Variants in ONECUT2 observed in about 807,000 individuals in gnomAD.
The protein encoded by ONECUT2 is one cut domain family member 2.
In ONECUT2, 10 loss-of-function variants were observed where a neutral mutation model predicts 27.9. The ratio of observed to expected loss-of-function variants is 0.36; its 90% CI spans 0.22 to 0.61. The LOEUF is 0.61. Among genes scored for constraint, ONECUT2 ranks in the 20% least tolerant of loss-of-function variants. ONECUT2 has a pLI of 0.73. For synonymous variants in ONECUT2, 334 were observed against 315.1 expected (o/e 1.06, Z -0.64); for missense variants, 686 against 721.0 (o/e 0.95, Z 0.56).
chr18:57,473,650 C>G (rs1006761710), intron 1 of ONECUT2, among the ~76,000 whole-genome samples: 1 of 152,174 alleles, frequency 6.6e-6, no homozygotes, highest in Non-Finnish European at 1.5e-5. Flanking sequence ...ATCAGCATCA[C>G]CTGGGTGCTC....
chr18:57,465,091 A>G (rs2050313353), intron 1 of ONECUT2, among the ~76,000 whole-genome samples: 2 of 151,976 alleles, frequency 1.3e-5, no homozygotes, highest in South Asian at 4.2e-4. Flanking sequence ...AATTTCCTCC[A>G]ATGCCACTAC....
intron 1 of ONECUT2, among the ~76,000 whole-genome samples, chr18:57,447,548 A>G (rs556530778): frequency 5.5e-4 from 84 of 152,290 alleles, no homozygotes; most frequent in Admixed American, 7.2e-4. Context: ...GAGGAAGAGC[A>G]TTACCACCGC....
At chr18:57,448,358 G>A (rs2050212258) in intron 1 of ONECUT2, among the ~76,000 whole-genome samples, 1 of 152,102 alleles carries the variant, frequency 6.6e-6, no homozygotes, top group Non-Finnish European at 1.5e-5. Flanking sequence ...TCAAGTTCCA[G>A]GTGGCCCTTT....
At chr18:57,475,568 C>T (rs768427441) in intron 1 of ONECUT2, among the ~76,000 whole-genome samples, 1 of 152,142 alleles carries the variant, frequency 6.6e-6, no homozygotes, top group African/African-American at 2.4e-5. Flanking sequence ...ACTACAGAGG[C>T]CTGGTTGCTG....
intron 1 of ONECUT2, among the ~76,000 whole-genome samples, chr18:57,453,557 C>A (rs2050242440): frequency 2.3e-3 from 1 of 438 alleles, no homozygotes; most frequent in African/African-American, 3.1e-3. Context: ...CACAGTTCCC[C>A]TGAATGTGAA....
chr18:57,457,965 C>G (rs899987883), intron 1 of ONECUT2, among the ~76,000 whole-genome samples: 1 of 152,000 alleles, frequency 6.6e-6, no homozygotes, highest in African/African-American at 2.4e-5. Flanking sequence ...CACACTGGGG[C>G]CTGTTGTGGG....
chr18:57,464,163 A>G (rs2050307663), intron 1 of ONECUT2, among the ~76,000 whole-genome samples: 1 of 152,172 alleles, frequency 6.6e-6, no homozygotes, highest in Non-Finnish European at 1.5e-5. Flanking sequence ...CCTTGGTATC[A>G]TTAATTATAA....
Position 57,476,476 on chromosome 18 carries a change from A to G in ONECUT2, c.1268A>G (p.Asn423Ser), listed in dbSNP as rs746987340. 4.3e-6 allele frequency: 7 copies of G among 1,614,254 alleles called. No individual in the cohort carries two copies. The Admixed American group carries it at 1.2e-4, about 27-fold the overall frequency. Reference protein sequence around the residue: ...RKEQEPNKDRNNSQKKSRLVF... With the variant: ...RKEQEPNKDRSNSQKKSRLVF... The stretch of plus-strand genomic sequence containing the variant: ...GAGCAAGAACCAAACAAAGACAGGA[A>G]CAATTCCCAGAAGAAGTCCCGCCTG... Residue 423 changes from asparagine to serine, a missense_variant, in exon 2 of 2, where the codon AAC becomes AGC. This residue lies in a region of ONECUT2 where 51 missense variants were observed against 41.3 expected (regional missense o/e 1.23). Transcript: ENST00000491143.
chr18:57,436,666 C>T lies in ONECUT2; in HGVS notation c.950C>T (p.Ser317Leu), dbSNP rs2050144711. ...GCACCCAGTCGCGAGCGGCCACCCTCGTCCTCATCGGGCTCGCAGGTGGCC... is the reference window on the plus strand; with the variant it reads ...GCACCCAGTCGCGAGCGGCCACCCTTGTCCTCATCGGGCTCGCAGGTGGCC... ...VLAPSRERPPSSSSGSQVATS... is the reference protein window; with the variant it reads ...VLAPSRERPPLSSSGSQVATS... Residue 317 changes from serine to leucine, a missense_variant, in exon 1 of 2, where the codon TCG becomes TTG. Coordinates refer to ENST00000491143, the MANE Select transcript of ONECUT2 (RefSeq NM_004852.3). The surrounding 1 kb of genome is among the most constrained non-coding windows in gnomAD (Gnocchi z 5.9). 8 of 1,612,932 alleles carry T rather than the reference C, an allele frequency of 5.0e-6. No individual in the cohort carries two copies. In the East Asian group the frequency reaches 1.3e-4, roughly 27 times the overall value.
At chr18:57,464,074 A>G (rs2050307142) in intron 1 of ONECUT2, among the ~76,000 whole-genome samples, 1 of 151,988 alleles carries the variant, frequency 6.6e-6, no homozygotes, top group Admixed American at 6.6e-5. Flanking sequence ...TAAAAGAAGT[A>G]TGGAGTCACA....
chr18:57,454,056 G>A (rs1221727376), intron 1 of ONECUT2, among the ~76,000 whole-genome samples: 1 of 151,998 alleles, frequency 6.6e-6, no homozygotes, highest in Admixed American at 6.6e-5. Flanking sequence ...TAAAAAAATT[G>A]TTCCAAAGAA....
chr18:57,479,262 GT>G lies in ONECUT2; in HGVS notation c.*2540del, dbSNP rs2050402961. On this transcript the variant is annotated 3_prime_UTR_variant, in exon 2 of 2. Transcript: ENST00000491143. ...TTCATTTGGGGGTGGGGGGAAACATGTAAAAATAATTGCCAGTTTCTACTTT... is the reference window on the plus strand; with the variant it reads ...TTCATTTGGGGGTGGGGGGAAACATGAAAAATAATTGCCAGTTTCTACTTT... 1.3e-5 allele frequency: 2 copies of G among 152,402 alleles called. No individual in the cohort carries two copies. The highest frequency in any genetic ancestry group is 2.4e-5 in the African/African-American group (1 of 41,404). The allele number at this position is 152,402 out of a possible 1,614,324, so 9.4% of individuals were successfully genotyped here. A position where few individuals can be genotyped will look rare whatever the true frequency, so the allele number is the denominator to read the frequency against.
At chr18:57,443,665 C>T (rs1020278438) in intron 1 of ONECUT2, among the ~76,000 whole-genome samples, 7 of 152,086 alleles carry the variant, frequency 4.6e-5, no homozygotes, top group South Asian at 2.1e-4. Context: ...AAGGTAGGGA[C>T]GTGGATTGTG....
At chr18:57,461,917 C>CA (rs1187213947) in intron 1 of ONECUT2, among the ~76,000 whole-genome samples, 5 of 152,238 alleles carry the variant, frequency 3.3e-5, no homozygotes. Flanking sequence ...CAGCACATGA[C>CA]AGAGTCTGCT....
intron 1 of ONECUT2, among the ~76,000 whole-genome samples, chr18:57,454,705 T>C (rs1196083429): frequency 6.6e-6 from 1 of 152,138 alleles, no homozygotes; most frequent in Non-Finnish European, 1.5e-5. Flanking sequence ...TGAGTGAGAT[T>C]GCCAGACTCT....
intron 1 of ONECUT2, among the ~76,000 whole-genome samples, chr18:57,451,553 T>C (rs996973032): frequency 7.9e-5 from 12 of 152,212 alleles, no homozygotes; most frequent in African/African-American, 2.9e-4. Flanking sequence ...TTCTGCCCTC[T>C]TCCTAAAGGA....
chr18:57,469,092 TTTTTCCAACA>T (rs1278027302), intron 1 of ONECUT2, among the ~76,000 whole-genome samples: 5 of 152,182 alleles, frequency 3.3e-5, no homozygotes, highest in Admixed American at 2.6e-4. Flanking sequence ...TTGTAATTGA[TTTTTCCAACA>T]TAACCCCAAT....
chr18:57,436,342 A>G lies in ONECUT2; in HGVS notation c.626A>G (p.Asn209Ser), dbSNP rs1423198413. 13 of 1,605,362 alleles carry G rather than the reference A, an allele frequency of 8.1e-6. No homozygotes were observed. The highest frequency in any genetic ancestry group is 1.3e-5 in the African/African-American group (1 of 74,840). ...GAGCGCGGGCTCCCGGCCATGAACA[A>G]CCTCTACAGTCCCTACAAGGAGATG... ...RDERGLPAMN[N>S]LYSPYKEMPG... is the part of the protein sequence containing the mutation. The change falls in exon 1 of 2, where the codon AAC becomes AGC. Residue 209 changes from asparagine to serine, a missense_variant. Physicochemically the swap from Asn to Ser is conservative, Grantham distance 46. Around this residue, in one of 4 missense-constraint regions of ONECUT2, gnomAD observed 511 missense variants for 488.1 expected, o/e 1.05. Transcript: ENST00000491143. This position sits in a 1 kb window ranked among gnomAD's most constrained non-coding sequence, Gnocchi z 5.9.
chr18:57,476,910 T>A lies in ONECUT2; in HGVS notation c.*187T>A. On this transcript the variant is annotated 3_prime_UTR_variant, in exon 2 of 2. Coordinates refer to ENST00000491143, the MANE Select transcript of ONECUT2 (RefSeq NM_004852.3). ...AGGCCAGGTGTTCTTCTTTTGTTTT[T>A]AATGGCTATGGAGTCCAAGTGCAAG... 1.5e-6 allele frequency: 1 copy of A among 685,428 alleles called. No individual in the cohort carries two copies. Among genetic ancestry groups the A allele is most frequent in the Non-Finnish European group, 2.4e-6 (1 of 417,088 alleles). The allele number at this position is 685,428 out of a possible 1,614,324, so 42.5% of individuals were successfully genotyped here.
Sources: gnomAD v4.1 joint callset for allele counts (sites outside exome capture counted in the v4.1 genomes callset) on GRCh38, gnomAD v4.1.1 for gene constraint, gnomAD v4.1.1 regional missense constraint, Gnocchi (gnomAD v3.1) non-coding constraint, MANE v1.5 for transcripts, NCBI Gene and HGNC (gene_info 2026-07-23, HGNC 2026-07-21) for gene names.